Variants in FANK1 observed in about 807,000 individuals in gnomAD.
FANK1 encodes the protein fibronectin type III and ankyrin repeat domains 1.
In FANK1, 44 loss-of-function variants were observed where a neutral mutation model predicts 45.3. The observed-to-expected ratio is 0.97, with a 90% CI of 0.76 to 1.25. FANK1 has a LOEUF of 1.25. Ranked by LOEUF, FANK1 falls within the 50% of genes most tolerant of loss-of-function variation. The probability of loss-of-function intolerance (pLI) is 0.00; values close to 1 mark genes in which losing one functional copy is unlikely to be tolerated. For synonymous variants in FANK1, 149 were observed against 152.5 expected, an observed-to-expected ratio of 0.98 and a Z score of 0.17; for missense variants, 391 against 424.4, an observed-to-expected ratio of 0.92 and a Z score of 0.69.
At chr10:125,950,628 C>T (rs1456369549) in intron 1 of FANK1, among the ~76,000 whole-genome samples, 1 of 152,148 alleles carries the variant, frequency 6.6e-6, no homozygotes, top group Non-Finnish European at 1.5e-5. Flanking sequence ...AATAGGAACA[C>T]TTTTACACTG....
chr10:125,932,937 C>G (rs1293358485), intron 1 of FANK1, among the ~76,000 whole-genome samples: 1 of 152,118 alleles, frequency 6.6e-6, no homozygotes, highest in African/African-American at 2.4e-5. Flanking sequence ...TTGTCGAATG[C>G]ATTTTCTGCA....
intron 1 of FANK1, among the ~76,000 whole-genome samples, chr10:125,907,083 A>G (rs1945587522): frequency 1.3e-5 from 2 of 152,250 alleles, no homozygotes; most frequent in South Asian, 4.1e-4. Flanking sequence ...AGCCTTTAGC[A>G]TTTAATAGGT....
chr10:125,899,491 G>A (rs1020082939), intron 1 of FANK1, among the ~76,000 whole-genome samples: 54 of 152,376 alleles, frequency 3.5e-4, no homozygotes, highest in African/African-American at 6.0e-4. Context: ...GATTACAGGC[G>A]TGAGCCAGCA....
At chr10:125,907,547 A>G (rs1945627097) in intron 1 of FANK1, 1 of 983,044 alleles carries the variant, frequency 1.0e-6, no homozygotes, top group Middle Eastern at 5.2e-4. Context: ...TAATATTGCA[A>G]ATGTGATGGG....
intron 1 of FANK1, among the ~76,000 whole-genome samples, chr10:125,914,985 C>G (rs111452063): frequency 4.6e-5 from 7 of 152,086 alleles, no homozygotes; most frequent in Non-Finnish European, 1.0e-4. Flanking sequence ...AGGGAATGGT[C>G]GGGAGAGACT....
At chr10:125,956,464 G>A (rs947269474) in intron 1 of FANK1, among the ~76,000 whole-genome samples, 1 of 152,140 alleles carries the variant, frequency 6.6e-6, no homozygotes, top group African/African-American at 2.4e-5. Context: ...TATTATGTAT[G>A]AGCATGAATA....
chr10:125,905,121 ACT>A (rs1945381502), intron 1 of FANK1, among the ~76,000 whole-genome samples: 1 of 117,868 alleles, frequency 8.5e-6, no homozygotes, highest in East Asian at 2.6e-4. Context: ...ACAGAGCGAG[ACT>A]CTGTCCCAAA....
At chr10:125,926,180 T>A (rs1947328435) in intron 1 of FANK1, among the ~76,000 whole-genome samples, 1 of 152,150 alleles carries the variant, frequency 6.6e-6, no homozygotes. Flanking sequence ...AACTTTTTAT[T>A]TTGACATAAT....
At chr10:125,906,546 T>G (rs1945541066) in intron 1 of FANK1, among the ~76,000 whole-genome samples, 1 of 98,696 alleles carries the variant, frequency 1.0e-5, no homozygotes, top group Non-Finnish European at 2.5e-5. Flanking sequence ...AAAAAAAAAT[T>G]CTTACCTCCT....
At chr10:125,945,985 G>T (rs922264505) in intron 1 of FANK1, among the ~76,000 whole-genome samples, 3 of 152,134 alleles carry the variant, frequency 2.0e-5, no homozygotes, top group Admixed American at 1.3e-4. Context: ...GAGGCACCCC[G>T]CAGCAGGGGC....
rs1377283196 is a variant in FANK1 at position 125,953,494 on chromosome 10, C to T, written c.14-26667C>T. On this transcript the variant is annotated intron_variant, in intron 1 of 10. Coordinates refer to ENST00000368693, the MANE Select transcript of FANK1 (RefSeq NM_145235.5). ...CAGCTCTGTTTTTATGTCTTAGGCA[C>T]GAGGATCCTATAGGTGAACTTGTTT... Among the ~76,000 whole-genome samples the T allele has an allele frequency of 5.3e-5, 8 of 152,078 alleles. No individual in the cohort carries two copies. In the South Asian group the frequency reaches 8.3e-4, roughly 16 times the overall value.
chr10:125,914,928 C>A (rs1488039841), intron 1 of FANK1, among the ~76,000 whole-genome samples: 1 of 152,162 alleles, frequency 6.6e-6, no homozygotes, highest in African/African-American at 2.4e-5. Flanking sequence ...GAGGCCCCAT[C>A]TGATCTGAGA....
chr10:125,988,886 T>G (rs1160087573), intron 3 of FANK1: 10 of 753,562 alleles, frequency 1.3e-5, no homozygotes, highest in Admixed American at 6.4e-5. Context: ...GGAGAGCTAT[T>G]TTTGTGCCAG....
chr10:125,936,534 G>C (rs1235961214), intron 1 of FANK1, among the ~76,000 whole-genome samples: 1 of 151,466 alleles, frequency 6.6e-6, no homozygotes, highest in African/African-American at 2.4e-5. Context: ...CCACAGCCCT[G>C]ACTTCTAACA....
chr10:125,962,224 G>A (rs1404160264), intron 1 of FANK1, among the ~76,000 whole-genome samples: 1 of 152,118 alleles, frequency 6.6e-6, no homozygotes. Flanking sequence ...GTCTTTCTTT[G>A]TTTTTCTGTA....
rs112557144 is a variant in FANK1 at position 125,975,198 on chromosome 10, A to G, written c.14-4963A>G. ...ATCTCTTTCTTTTTTATGGCTGCATAATATTTCATAGTGTATATGTACCAC... is the reference window on the plus strand; with the variant it reads ...ATCTCTTTCTTTTTTATGGCTGCATGATATTTCATAGTGTATATGTACCAC... On this transcript the variant is annotated intron_variant, in intron 1 of 10. Coordinates refer to ENST00000368693, the MANE Select transcript of FANK1 (RefSeq NM_145235.5). Among the ~76,000 whole-genome samples, 439 of 152,316 alleles carry G rather than the reference A, an allele frequency of 2.9e-3. 2 individuals are homozygous for G. Among genetic ancestry groups the G allele is most frequent in the African/African-American group, 0.01 (417 of 41,564 alleles).
At chr10:125,950,313 A>T (rs1029455375) in intron 1 of FANK1, among the ~76,000 whole-genome samples, 4 of 149,734 alleles carry the variant, frequency 2.7e-5, no homozygotes, top group Non-Finnish European at 5.9e-5. Context: ...AGAAACTACC[A>T]TCAGAGTGAA....
At chr10:125,938,256 T>C (rs1360861016) in intron 1 of FANK1, among the ~76,000 whole-genome samples, 2 of 151,098 alleles carry the variant, frequency 1.3e-5, no homozygotes, top group Non-Finnish European at 2.9e-5. Flanking sequence ...TATAGTCATG[T>C]TGGATTTGAA....
At chr10:125,965,688 G>A (rs984279565) in intron 1 of FANK1, among the ~76,000 whole-genome samples, 1 of 152,180 alleles carries the variant, frequency 6.6e-6, no homozygotes, top group Non-Finnish European at 1.5e-5. Flanking sequence ...CCATCATCGT[G>A]AGGTTGAATC....
Sources: gnomAD v4.1 joint callset for allele counts (sites outside exome capture counted in the v4.1 genomes callset) on GRCh38, gnomAD v4.1.1 for gene constraint, MANE v1.5 for transcripts, NCBI Gene and HGNC (gene_info 2026-07-23, HGNC 2026-07-21) for gene names.